Variants in NPAS3 observed in about 807,000 individuals in gnomAD.
The protein encoded by NPAS3 is neuronal PAS domain-containing protein 3.
Under a neutral mutation model 73.1 loss-of-function variants are expected in NPAS3, and 14 were observed. The ratio of observed to expected loss-of-function variants is 0.19; its 90% CI spans 0.13 to 0.30. The LOEUF is 0.30. Ranked by LOEUF, NPAS3 falls within the 10% of genes least tolerant of loss-of-function variation. The probability of loss-of-function intolerance (pLI) is 1.00; values close to 1 mark genes in which losing one functional copy is unlikely to be tolerated. For synonymous variants in NPAS3, 620 were observed against 541.5 expected (o/e 1.14, Z -2.01); for missense variants, 1,096 against 1,250.0 (o/e 0.88, Z 1.86).
At chr14:33,543,349 T>A (rs574121969) in intron 4 of NPAS3, among the ~76,000 whole-genome samples, 10 of 152,320 alleles carry the variant, frequency 6.6e-5, no homozygotes, top group Non-Finnish European at 1.5e-5. Flanking sequence ...GCAATAGAAG[T>A]ATGTTGCTAT....
intron 5 of NPAS3, among the ~76,000 whole-genome samples, chr14:33,661,364 C>A (rs2059303224): frequency 6.6e-6 from 1 of 152,144 alleles, no homozygotes; most frequent in Non-Finnish European, 1.5e-5. Flanking sequence ...TGACCTTCTA[C>A]AAAATAAGCA....
At chr14:33,420,493 T>C (rs1377669299) in intron 4 of NPAS3, among the ~76,000 whole-genome samples, 1 of 151,820 alleles carries the variant, frequency 6.6e-6, no homozygotes, top group Non-Finnish European at 1.5e-5. Flanking sequence ...AGACCTGTGG[T>C]TTTTCCCTGT....
At chr14:33,229,217 C>T (rs571244754) in intron 3 of NPAS3, among the ~76,000 whole-genome samples, 2 of 152,304 alleles carry the variant, frequency 1.3e-5, no homozygotes, top group African/African-American at 4.8e-5. Flanking sequence ...ACATACCATA[C>T]TTATAAACAA....
At chr14:33,161,224 G>A (rs1052199226) in intron 2 of NPAS3, among the ~76,000 whole-genome samples, 1 of 152,212 alleles carries the variant, frequency 6.6e-6, no homozygotes, top group African/African-American at 2.4e-5. Flanking sequence ...GATGGTATTA[G>A]AAGCAGGAAG....
At chr14:33,708,103 C>G (rs1269560648) in intron 6 of NPAS3, among the ~76,000 whole-genome samples, 1 of 152,044 alleles carries the variant, frequency 6.6e-6, no homozygotes, top group Non-Finnish European at 1.5e-5. Context: ...CAGCAGCTGG[C>G]CACCACCAGC....
At chr14:33,571,556 A>G (rs745573755) in intron 5 of NPAS3, among the ~76,000 whole-genome samples, 18 of 152,162 alleles carry the variant, frequency 1.2e-4, no homozygotes, top group Non-Finnish European at 2.2e-4. Flanking sequence ...ATAACTTTTG[A>G]TGGTAAAGTA....
intron 1 of NPAS3, among the ~76,000 whole-genome samples, chr14:33,008,194 T>C (rs2039066852): frequency 6.6e-6 from 1 of 152,136 alleles, no homozygotes; most frequent in Admixed American, 6.6e-5. Context: ...TGTTCATTGA[T>C]GGAGAACTGG....
chr14:33,023,099 A>T (rs2039669649), intron 1 of NPAS3, among the ~76,000 whole-genome samples: 1 of 152,194 alleles, frequency 6.6e-6, no homozygotes, highest in African/African-American at 2.4e-5. Flanking sequence ...ATTTAAAAAA[A>T]AAAGAAAAGA....
chr14:33,798,762 T>C (rs2063587874), intron 11 of NPAS3, among the ~76,000 whole-genome samples: 1 of 152,116 alleles, frequency 6.6e-6, no homozygotes, highest in African/African-American at 2.4e-5. Context: ...TTTAATACAG[T>C]GCATAGTTGT....
intron 5 of NPAS3, among the ~76,000 whole-genome samples, chr14:33,612,815 A>T (rs1348242211): frequency 6.6e-6 from 1 of 152,180 alleles, no homozygotes; most frequent in Non-Finnish European, 1.5e-5. Flanking sequence ...GTATCCTAGG[A>T]TGGGAAATCT....
At chr14:33,197,271 T>TGTGTGTGTGTGTG (rs1466236792) in intron 2 of NPAS3, among the ~76,000 whole-genome samples, 15 of 28,968 alleles carry the variant, frequency 5.2e-4, no homozygotes, top group African/African-American at 1.4e-3. Context: ...GTGTGTGTTC[T>TGTGTGTGTGTGTG]TTTTCAATTG....
intron 4 of NPAS3, among the ~76,000 whole-genome samples, chr14:33,482,060 T>G (rs1029423772): frequency 5.3e-5 from 8 of 151,746 alleles, no homozygotes; most frequent in African/African-American, 9.7e-5. Flanking sequence ...CAAGTTTTTT[T>G]TTTTTTTTTT....
chr14:33,511,091 A>G (rs1201992473), intron 4 of NPAS3, among the ~76,000 whole-genome samples: 2 of 151,904 alleles, frequency 1.3e-5, no homozygotes, highest in Non-Finnish European at 2.9e-5. Context: ...TTTGAATGTT[A>G]TTTTTCTTCA....
intron 1 of NPAS3, among the ~76,000 whole-genome samples, chr14:33,049,463 A>G (rs992966182): frequency 6.6e-6 from 1 of 152,204 alleles, no homozygotes; most frequent in Non-Finnish European, 1.5e-5. Flanking sequence ...ATGGGGGAAG[A>G]CAAGGAGGAG....
chr14:33,341,795 G>A (rs1384873537), intron 3 of NPAS3, among the ~76,000 whole-genome samples: 1 of 152,132 alleles, frequency 6.6e-6, no homozygotes, highest in Non-Finnish European at 1.5e-5. Flanking sequence ...GCACAGTTAG[G>A]TCCATAAAAG....
At chr14:33,540,915 G>C (rs901792806) in intron 4 of NPAS3, among the ~76,000 whole-genome samples, 2 of 152,096 alleles carry the variant, frequency 1.3e-5, no homozygotes, top group Non-Finnish European at 2.9e-5. Context: ...ATTATCTCCT[G>C]ACACCTCTTT....
In NPAS3 at chr14:33,086,528, G is replaced by A. The variant is rs754214939; in HGVS notation, c.140+30534G>A. Reference sequence around the variant, plus strand: ...TAATTTCAGTTGTACAGAAAGAAGCGGCAGAATTTAACAGGACAGTAATGT... The same window carrying A: ...TAATTTCAGTTGTACAGAAAGAAGCAGCAGAATTTAACAGGACAGTAATGT... On this transcript the variant is annotated intron_variant, in intron 2 of 11. Coordinates refer to ENST00000356141, the Ensembl canonical transcript of NPAS3. Among the ~76,000 whole-genome samples the A allele has an allele frequency of 5.3e-5, 8 of 152,186 alleles. 1 individual carries two copies. In the South Asian group the frequency reaches 1.0e-3, roughly 20 times the overall value.
At chr14:33,240,733 C>T (rs961210237) in intron 3 of NPAS3, among the ~76,000 whole-genome samples, 1 of 151,856 alleles carries the variant, frequency 6.6e-6, no homozygotes, top group African/African-American at 2.4e-5. Context: ...CCTAGTCTGA[C>T]ATCATTTTGT....
chr14:33,020,830 G>C (rs917295773), intron 1 of NPAS3, among the ~76,000 whole-genome samples: 2 of 151,602 alleles, frequency 1.3e-5, no homozygotes, highest in Non-Finnish European at 2.9e-5. Context: ...GCGTGATCTC[G>C]GATCACTGCA....
Sources: allele counts gnomAD v4.1 joint callset (sites outside exome capture counted in the v4.1 genomes callset), GRCh38; gene constraint gnomAD v4.1.1; transcripts MANE v1.5; gene names NCBI Gene and HGNC (gene_info 2026-07-23, HGNC 2026-07-21).